SEC23IP: variants seen among roughly 807,000 people sequenced by gnomAD.
SEC23IP encodes SEC23 interacting protein.
SEC23IP carries 70 observed loss-of-function variants against 113.4 expected under a neutral mutation model. That is an observed-to-expected ratio of 0.62 (90% CI 0.51 to 0.75). The LOEUF is 0.75. SEC23IP is among the 30% of genes least tolerant of loss of function. The pLI is 0.00. For synonymous variants in SEC23IP, 398 were observed against 421.0 expected, an observed-to-expected ratio of 0.95 and a Z score of 0.67; for missense variants, 1,160 against 1,204.9, an observed-to-expected ratio of 0.96 and a Z score of 0.55.
intron 1 of SEC23IP, among the ~76,000 whole-genome samples, 158 bp downstream of exon 1, chr10:119,893,103 G>C (rs1175429508): frequency 6.6e-6 from 1 of 152,168 alleles, no homozygotes; most frequent in Admixed American, 6.5e-5. Context: ...GGGGCTTTGG[G>C]ATCTTGGAGG....
rs768263159 is a variant in SEC23IP at position 119,898,686 on chromosome 10, A to G, written c.423A>G (p.Gln141=). The change falls in exon 2 of 19, where the codon CAA becomes CAG. Residue 141 remains glutamine (Q), a synonymous_variant. Coordinates refer to ENST00000369075, the MANE Select transcript of SEC23IP (RefSeq NM_007190.4). ...NAFSPSISKA[Q]PGAPPSSLMG... ...TTTCACCATCCATTTCGAAGGCTCAACCTGGTGCTCCACCTTCCTCACTGA... is the reference window on the plus strand; with the variant it reads ...TTTCACCATCCATTTCGAAGGCTCAGCCTGGTGCTCCACCTTCCTCACTGA... 6 of 1,614,230 alleles carry G rather than the reference A, an allele frequency of 3.7e-6. No homozygotes were observed. In the East Asian group the frequency reaches 1.3e-4, roughly 36 times the overall value.
At position 119,915,841 on chromosome 10, in the gene SEC23IP, C is replaced by T. The variant is rs1406415773; in HGVS notation, c.1496C>T (p.Pro499Leu). 5 of 1,599,034 alleles carry T rather than the reference C, an allele frequency of 3.1e-6. No homozygotes were observed. Among genetic ancestry groups the T allele is most frequent in the Non-Finnish European group, 4.3e-6 (5 of 1,171,880 alleles). ...DGKVSRVEFL[P>L]VHWHSSLGGD... ...AAAGTAAGCAGAGTGGAGTTCCTTC[C>T]AGTTCATTGGCATAGTTCTTTGGGT... Residue 499 changes from proline (P) to leucine (L), a missense_variant, in exon 8 of 19, where the codon CCA (proline) becomes CTA (leucine). Transcript: ENST00000369075.
intron 17 of SEC23IP, 130 bp downstream of exon 17, chr10:119,933,297 C>G: frequency 2.4e-6 from 2 of 817,316 alleles, no homozygotes; most frequent in South Asian, 3.5e-5. Context: ...ACTATATGTT[C>G]AGAATCGTTA....
In SEC23IP at chr10:119,929,110, C is replaced by A. The variant is rs766735215; in HGVS notation, c.2314-497C>A. ...TGAGTTTAGAAGTCTAAAGTTTTAA[C>A]CATATTTATAACCATAATAAATATA... On this transcript the variant is annotated intron_variant, in intron 13 of 18. Coordinates refer to ENST00000369075, the MANE Select transcript of SEC23IP (RefSeq NM_007190.4). Among the ~76,000 whole-genome samples the A allele has an allele frequency of 2.2e-4, 34 of 152,216 alleles. No homozygotes were observed. The Middle Eastern group carries it at 0.024, about 107-fold the overall frequency.
At chr10:119,914,579 T>G in intron 6 of SEC23IP, 151 bp from the exon 7 acceptor site, 1 of 633,672 alleles carries the variant, frequency 1.6e-6, no homozygotes, top group Non-Finnish European at 2.8e-6. Flanking sequence ...TTCCTCTAAT[T>G]TGATAGGGGT....
At chr10:119,930,975 G>A (rs35652071) in intron 15 of SEC23IP, among the ~76,000 whole-genome samples, 8,341 of 152,172 alleles carry the variant, frequency 0.055, 432 homozygotes, top group South Asian at 0.27. Flanking sequence ...AAGTGATTAC[G>A]CACTCTTATG....
intron 18 of SEC23IP, among the ~76,000 whole-genome samples, chr10:119,934,165 A>C (rs1360825358): frequency 2.0e-5 from 3 of 152,240 alleles, no homozygotes; most frequent in African/African-American, 7.2e-5. Context: ...ACTCCACCAG[A>C]TACCCAGAGT....
chr10:119,914,974 A>G (rs1356017894), intron 7 of SEC23IP, among the ~76,000 whole-genome samples, 155 bp downstream of exon 7: 1 of 152,170 alleles, frequency 6.6e-6, no homozygotes, highest in East Asian at 1.9e-4. Flanking sequence ...ACTAAGTTGT[A>G]CTTGATTTGC....
chr10:119,935,110 G>C (rs927172086), intron 18 of SEC23IP, among the ~76,000 whole-genome samples: 2 of 152,166 alleles, frequency 1.3e-5, no homozygotes, highest in African/African-American at 2.4e-5. Context: ...CACGTTTTGT[G>C]TATCCTTCCA....
chr10:119,919,879 G>C (rs1051591226), intron 11 of SEC23IP, among the ~76,000 whole-genome samples: 1 of 152,158 alleles, frequency 6.6e-6, no homozygotes, highest in African/African-American at 2.4e-5. Context: ...ATTATAGACA[G>C]AGGGCTTACT....
chr10:119,895,068 A>G (rs1277619490), intron 1 of SEC23IP, among the ~76,000 whole-genome samples: 1 of 152,224 alleles, frequency 6.6e-6, no homozygotes, highest in African/African-American at 2.4e-5. Flanking sequence ...AGAGAGACAC[A>G]GGAAGCAATT....
rs1278507643 is a variant in SEC23IP, at chr10:119,943,001, A to G, written c.*2436A>G. 6.6e-6 allele frequency: 1 copy of G among 152,232 alleles called. No individual in the cohort carries two copies. The highest frequency in any genetic ancestry group is 1.5e-5 in the Non-Finnish European group (1 of 68,034). 9.4% of individuals were successfully genotyped at this position (152,232 alleles called of 1,614,324 possible). ...TCATGTATTTGAAATAGTAACTCAC[A>G]GCATTTGGTCTCATGATAAGAGTAC... On this transcript the variant is annotated 3_prime_UTR_variant, in exon 19 of 19. Coordinates refer to ENST00000369075, the MANE Select transcript of SEC23IP (RefSeq NM_007190.4).
chr10:119,925,425 C>A (rs1335170746), intron 12 of SEC23IP, among the ~76,000 whole-genome samples: 1 of 152,154 alleles, frequency 6.6e-6, no homozygotes. Flanking sequence ...AACTGTCTTG[C>A]TATACTTTCT....
At position 119,942,644 on chromosome 10, in the gene SEC23IP, G is replaced by A. The variant is rs1033684569; in HGVS notation, c.*2079G>A. The A allele has an allele frequency of 6.6e-6, 1 of 152,090 alleles. No individual in the cohort carries two copies. The highest frequency in any genetic ancestry group is 1.5e-5 in the Non-Finnish European group (1 of 68,024). The allele number at this position is 152,090 out of a possible 1,614,324, so 9.4% of individuals were successfully genotyped here. On this transcript the variant is annotated 3_prime_UTR_variant, in exon 19 of 19. Coordinates refer to ENST00000369075, the MANE Select transcript of SEC23IP (RefSeq NM_007190.4). ...TCATGTCTGTAGTTATTCCAAAAGTGTTTCATGTGTAGAGTTTGGCACAAA... is the reference window on the plus strand; with the variant it reads ...TCATGTCTGTAGTTATTCCAAAAGTATTTCATGTGTAGAGTTTGGCACAAA...
At chr10:119,929,581 T>C in intron 13 of SEC23IP, 26 bp from the exon 14 acceptor site, 3 of 1,587,254 alleles carry the variant, frequency 1.9e-6, no homozygotes, top group Non-Finnish European at 1.7e-6. Flanking sequence ...AACAATCATC[T>C]TTCATTGTTA....
intron 8 of SEC23IP, among the ~76,000 whole-genome samples, chr10:119,916,242 G>A (rs1855049181): frequency 6.6e-6 from 1 of 152,166 alleles, no homozygotes; most frequent in Non-Finnish European, 1.5e-5. Context: ...CCCCTGGAGG[G>A]TAAAAATCAC....
In SEC23IP at chr10:119,932,208, A is replaced by G; in HGVS notation, c.2648A>G (p.Gln883Arg). ...ATTAGCTCTCTCAAAAGTGCTTGGC[A>G]GACATTAAATGAGTTTGCCCGTGCT... Reference protein sequence around the residue: ...GFISSLKSAWQTLNEFARAHT... With the variant: ...GFISSLKSAWRTLNEFARAHT... The change falls in exon 16 of 19, where the codon CAG (glutamine) becomes CGG (arginine). Residue 883 changes from glutamine (Q) to arginine (R), a missense_variant. Physicochemically the swap from Gln to Arg is conservative, Grantham distance 43. Coordinates refer to ENST00000369075, the MANE Select transcript of SEC23IP (RefSeq NM_007190.4). The G allele has an allele frequency of 7.4e-6, 12 of 1,613,366 alleles. No individual in the cohort carries two copies. The highest frequency in any genetic ancestry group is 1.0e-5 in the Non-Finnish European group (12 of 1,179,280).
chr10:119,916,074 C>T (rs927407299), intron 8 of SEC23IP, among the ~76,000 whole-genome samples, 185 bp downstream of exon 8: 26 of 151,996 alleles, frequency 1.7e-4, no homozygotes, highest in Non-Finnish European at 3.7e-4. Context: ...TGTGTGCATT[C>T]CTTTTGTAAA....
rs995167667 is a variant in SEC23IP at position 119,933,292 on chromosome 10, A to G, written c.2921+125A>G. 39 of 830,234 alleles carry G rather than the reference A, an allele frequency of 4.7e-5. No homozygotes were observed. The African/African-American group carries it at 5.3e-4, about 11-fold the overall frequency. 51.4% of individuals were successfully genotyped at this position (830,234 alleles called of 1,614,324 possible). On this transcript the variant is annotated intron_variant, in intron 17 of 18. Coordinates refer to ENST00000369075, the MANE Select transcript of SEC23IP (RefSeq NM_007190.4). ...TATGAATATTCATTTGAATTACTATATGTTCAGAATCGTTATTTTTCCCCC... is the reference window on the plus strand; with the variant it reads ...TATGAATATTCATTTGAATTACTATGTGTTCAGAATCGTTATTTTTCCCCC...
Sources: gnomAD v4.1 joint callset for allele counts (sites outside exome capture counted in the v4.1 genomes callset) on GRCh38, gnomAD v4.1.1 for gene constraint, MANE v1.5 for transcripts, NCBI Gene and HGNC (gene_info 2026-07-23, HGNC 2026-07-21) for gene names.